The following DMKN variants were observed in gnomAD, a reference collection of about 807,000 sequenced individuals.
DMKN encodes the protein dermokine.
In DMKN, 58 loss-of-function variants were observed where a neutral mutation model predicts 67.6. That is an observed-to-expected ratio of 0.86 (90% CI 0.69 to 1.07). DMKN has a LOEUF of 1.07. DMKN is among the 50% of genes least tolerant of loss of function. The pLI, the probability that DMKN is intolerant of heterozygous loss-of-function variation, is 0.00. For synonymous variants in DMKN, 240 were observed against 232.3 expected (o/e 1.03, Z -0.30); for missense variants, 596 against 601.5 (o/e 0.99, Z 0.10).
intron 5 of DMKN, chr19:35,510,562 G>C (rs986814455): frequency 1.8e-5 from 28 of 1,525,980 alleles, no homozygotes; most frequent in Admixed American, 1.4e-4. Context: ...TGCCACCAGG[G>C]GGCAGCAAGT....
chr19:35,511,841 GGGGAC>G, intron 3 of DMKN, 28 bp from the exon 4 acceptor site: 1 of 1,604,900 alleles, frequency 6.2e-7, no homozygotes, highest in Non-Finnish European at 8.5e-7. Context: ...TGGTGAGTTT[GGGGAC>G]GGTGAGTTTG....
Position 35,510,213 on chromosome 19 carries a change from T to C in DMKN, c.958A>G (p.Ser320Gly). 2 of 1,609,036 alleles carry C rather than the reference T, an allele frequency of 1.2e-6. No homozygotes were observed. The highest frequency in any genetic ancestry group is 2.2e-5 in the East Asian group (1 of 44,638). Residue 320 changes from serine to glycine, a missense_variant, in exon 6 of 16, where the codon AGC becomes GGC. Transcript: ENST00000339686. ...TGSSSGNHGG[S>G]GGGNGHKPGC... ...GGTTTATGTCCATTTCCTCCGCCGC[T>C]CCCACCGTGGTTGCCGGAGGAGGAG...
chr19:35,504,487 G>T (rs1035403457), intron 9 of DMKN, among the ~76,000 whole-genome samples: 2 of 148,152 alleles, frequency 1.3e-5, no homozygotes, highest in Admixed American at 1.4e-4. Flanking sequence ...TGAGGCAGGA[G>T]AATCATTTTG....
At chr19:35,501,808 C>A in intron 11 of DMKN, 3 of 1,557,688 alleles carry the variant, frequency 1.9e-6, no homozygotes, top group Non-Finnish European at 2.6e-6. Flanking sequence ...CACCTGTGCA[C>A]CCTGCGGTAC....
rs1011682424 is a variant in DMKN, at chr19:35,510,249, A to G, written c.922T>C (p.Ser308Pro). 2.5e-6 allele frequency: 4 copies of G among 1,603,088 alleles called. No individual in the cohort carries two copies. In the African/African-American group the frequency reaches 5.4e-5, roughly 21 times the overall value. The change falls in exon 6 of 16, where the codon TCC becomes CCC. Residue 308 changes from serine to proline, a missense_variant. Ser to Pro is a moderately conservative substitution (Grantham distance 74, BLOSUM62 -1). Coordinates refer to ENST00000339686, the MANE Select transcript of DMKN (RefSeq NM_033317.5). ...GDSGSESSWG[S>P]STGSSSGNHG... The stretch of plus-strand genomic sequence containing the variant: ...TTGCCGGAGGAGGAGCCGGTGCTGG[A>G]TCCCTGCAGGGGAAAGCAAGATTTC...
chr19:35,499,029 G>T, intron 13 of DMKN, 132 bp from the exon 14 acceptor site: 1 of 1,296,920 alleles, frequency 7.7e-7, no homozygotes, highest in Non-Finnish European at 1.1e-6. Context: ...TTTCCAGTCT[G>T]ACTGTGGACA....
Position 35,511,767 on chromosome 19 carries a change from G to C in DMKN, c.731C>G (p.Ser244Cys), listed in dbSNP as rs1258861755. ...PSGSGGGSSN[S>C]GGGSGSQSGS... The stretch of plus-strand genomic sequence containing the variant: ...GGGTTGCCCCTCTCCACTCACCCCA[G>C]AGTTGCTGGAGCCTCCACCTGAGCC... The change falls in exon 4 of 16, where the codon TCT (serine) becomes TGT (cysteine). Residue 244 changes from serine to cysteine, a missense_variant. Ser to Cys is a moderately radical substitution (Grantham distance 112). Coordinates refer to ENST00000339686, the MANE Select transcript of DMKN (RefSeq NM_033317.5). The C allele has an allele frequency of 1.2e-6, 2 of 1,613,206 alleles. No homozygotes were observed. Among genetic ancestry groups the C allele is most frequent in the East Asian group, 2.2e-5 (1 of 44,836 alleles).
chr19:35,508,340 A>C, intron 7 of DMKN: 1 of 1,429,372 alleles, frequency 7.0e-7, no homozygotes. Context: ...TAAGAATCCT[A>C]ATGGCACTCT....
intron 7 of DMKN, among the ~76,000 whole-genome samples, chr19:35,509,204 G>C (rs879925006): frequency 2.6e-5 from 4 of 152,138 alleles, no homozygotes; most frequent in Non-Finnish European, 4.4e-5. Context: ...CTGGGTAACA[G>C]AGCGGGACTC....
At chr19:35,502,282 GC>G in intron 10 of DMKN, 99 bp from the exon 11 acceptor site, 2 of 1,224,558 alleles carry the variant, frequency 1.6e-6, no homozygotes, top group Non-Finnish European at 2.4e-6. Flanking sequence ...GTAGGAAGGA[GC>G]TTTTGGGTGT....
At chr19:35,498,417 C>T in intron 15 of DMKN, 1 of 471,244 alleles carries the variant, frequency 2.1e-6, no homozygotes, top group South Asian at 2.9e-5. Flanking sequence ...CTATATTGCC[C>T]AGTCTGGTCT....
rs777494571 is a variant in DMKN, at chr19:35,509,972, G to A, written c.988-11C>T. On this transcript the variant is annotated splice_polypyrimidine_tract_variant and intron_variant, in intron 6 of 15. Coordinates refer to ENST00000339686, the MANE Select transcript of DMKN (RefSeq NM_033317.5). ...CCCTGGCTTTTCACACTGCCGGGGAGAGAAAGGGGAGACTTTCCCTCAGTC... is the reference window on the plus strand; with the variant it reads ...CCCTGGCTTTTCACACTGCCGGGGAAAGAAAGGGGAGACTTTCCCTCAGTC... The A allele has an allele frequency of 1.2e-6, 2 of 1,614,088 alleles. No individual in the cohort carries two copies. The highest frequency in any genetic ancestry group is 2.2e-5 in the South Asian group (2 of 91,080).
Position 35,500,034 on chromosome 19 carries a change from GGAA to G in DMKN, c.1288-8_1288-6del. The G allele has an allele frequency of 6.2e-7, 1 of 1,614,180 alleles. No homozygotes were observed. Among genetic ancestry groups the G allele is most frequent in the South Asian group, 1.1e-5 (1 of 91,084 alleles). On this transcript the variant is annotated splice_polypyrimidine_tract_variant and splice_region_variant and intron_variant, in intron 12 of 15. Coordinates refer to ENST00000339686, the MANE Select transcript of DMKN (RefSeq NM_033317.5). Reference sequence around the variant, plus strand: ...ATGCTGGTTGTAATTGTAGTTCTGTGGAAGAAGTGGGCATGGCGGTTAGAACAG... The same window carrying G: ...ATGCTGGTTGTAATTGTAGTTCTGTGGAAGTGGGCATGGCGGTTAGAACAG...
At chr19:35,506,262 A>C in intron 7 of DMKN, 1 of 1,414,214 alleles carries the variant, frequency 7.1e-7, no homozygotes, top group South Asian at 1.5e-5. Context: ...CCTGCCCCGG[A>C]TTGCTTCATC....
chr19:35,509,668 A>C lies in DMKN; in HGVS notation c.1038+243T>G, dbSNP rs118095355. ...TGTGCTTCTAAAAGGACCGGTTTAC[A>C]TGGAATTTCTCCCAGCCCCATCTGT... On this transcript the variant is annotated intron_variant, in intron 7 of 15. Transcript: ENST00000339686. 6 of 492,884 alleles carry C rather than the reference A, an allele frequency of 1.2e-5. No individual in the cohort carries two copies. The East Asian group carries it at 2.0e-4, about 16-fold the overall frequency. 30.5% of individuals were successfully genotyped at this position (492,884 alleles called of 1,614,324 possible).
chr19:35,505,687 G>A, intron 9 of DMKN, 31 bp downstream of exon 9: 1 of 1,613,854 alleles, frequency 6.2e-7, no homozygotes. Flanking sequence ...CTTCCCTATA[G>A]CCCTCTCCGA....
intron 12 of DMKN, chr19:35,500,309 G>A (rs1383888691): frequency 1.3e-6 from 2 of 1,522,876 alleles, no homozygotes; most frequent in Non-Finnish European, 1.8e-6. Flanking sequence ...TTACTTGGGA[G>A]GTGAGGGTAG....
rs774464045 is a variant in DMKN at position 35,511,733 on chromosome 19, A to G, written c.735+30T>C. Reference sequence around the variant, plus strand: ...GAACTTCTCCATTTCCTCCTGGTGCACAACTCCTGGGTTGCCCCTCTCCAC... The same window carrying G: ...GAACTTCTCCATTTCCTCCTGGTGCGCAACTCCTGGGTTGCCCCTCTCCAC... On this transcript the variant is annotated intron_variant, in intron 4 of 15. Coordinates refer to ENST00000339686, the MANE Select transcript of DMKN (RefSeq NM_033317.5). 1.9e-6 allele frequency: 3 copies of G among 1,606,420 alleles called. No homozygotes were observed. The South Asian group carries it at 3.3e-5, about 18-fold the overall frequency.
At chr19:35,510,576 A>T (rs1225469100) in intron 5 of DMKN, 5 of 1,512,672 alleles carry the variant, frequency 3.3e-6, no homozygotes, top group Non-Finnish European at 4.4e-6. Context: ...AGCAAGTGGA[A>T]GGGACCCTAG....
Sources: allele counts gnomAD v4.1 joint callset (sites outside exome capture counted in the v4.1 genomes callset), GRCh38; gene constraint gnomAD v4.1.1; transcripts MANE v1.5; gene names NCBI Gene and HGNC (gene_info 2026-07-23, HGNC 2026-07-21).